The following ZNF638 variants were observed in gnomAD, a reference collection of about 807,000 sequenced individuals.
The protein encoded by ZNF638 is zinc finger protein 638.
ZNF638 carries 46 observed loss-of-function variants against 195.6 expected under a neutral mutation model. That is an observed-to-expected ratio of 0.24 (90% CI 0.19 to 0.30). ZNF638 has a LOEUF of 0.30. Ranked by LOEUF, ZNF638 falls within the 10% of genes least tolerant of loss-of-function variation. The probability of loss-of-function intolerance (pLI) is 1.00; values close to 1 mark genes in which losing one functional copy is unlikely to be tolerated. For synonymous variants in ZNF638, 845 were observed against 772.0 expected (o/e 1.09, Z -1.57); for missense variants, 2,440 against 2,325.3 (o/e 1.05, Z -1.01).
intron 3 of ZNF638, among the ~76,000 whole-genome samples, chr2:71,362,707 A>G (rs928783871): frequency 6.6e-5 from 10 of 152,170 alleles, no homozygotes; most frequent in Admixed American, 4.6e-4. Context: ...AACCCTTTCT[A>G]TGAGTTCTCT....
intron 8 of ZNF638, among the ~76,000 whole-genome samples, chr2:71,371,521 C>G (rs1475764332): frequency 6.6e-6 from 1 of 152,116 alleles, no homozygotes; most frequent in African/African-American, 2.4e-5. Flanking sequence ...TTTTGCCTGT[C>G]TTTTGGATAA....
At chr2:71,352,507 AAAAG>A (rs1222798682) in intron 2 of ZNF638, among the ~76,000 whole-genome samples, 43 of 151,630 alleles carry the variant, frequency 2.8e-4, no homozygotes, top group Middle Eastern at 3.4e-3. Context: ...AAAAAAAAAA[AAAAG>A]AAGAGGAGGG....
chr2:71,403,235 A>G (rs2080041647), intron 16 of ZNF638, among the ~76,000 whole-genome samples: 1 of 152,174 alleles, frequency 6.6e-6, no homozygotes, highest in Admixed American at 6.5e-5. Flanking sequence ...TTAAAACTAC[A>G]ATAAATAGAT....
At chr2:71,405,671 T>C in intron 18 of ZNF638, 29 bp downstream of exon 18, 1 of 1,435,928 alleles carries the variant, frequency 7.0e-7, no homozygotes, top group Non-Finnish European at 9.6e-7. Flanking sequence ...TGCTTTTGTA[T>C]ACTTATTTAA....
intron 8 of ZNF638, among the ~76,000 whole-genome samples, chr2:71,377,861 A>C (rs994876220): frequency 6.6e-6 from 1 of 152,242 alleles, no homozygotes. Context: ...GTTTAACTAT[A>C]CAAAGAAATA....
chr2:71,408,694 A>G, intron 20 of ZNF638: 1 of 429,076 alleles, frequency 2.3e-6, no homozygotes, highest in South Asian at 1.8e-5. Context: ...ACATGTAGGA[A>G]AGCTATGGAT....
chr2:71,357,973 A>G (rs977636190), intron 3 of ZNF638, among the ~76,000 whole-genome samples: 6 of 152,074 alleles, frequency 3.9e-5, no homozygotes, highest in African/African-American at 1.4e-4. Context: ...ATAAATTTCT[A>G]TTTAGAGTCC....
chr2:71,426,481 T>C lies in ZNF638; in HGVS notation c.4612T>C (p.Leu1538=), dbSNP rs568244957. The change falls in exon 24 of 28, where the codon TTG becomes CTG. Residue 1538 remains leucine, a synonymous_variant. Coordinates refer to ENST00000264447, the MANE Select transcript of ZNF638 (RefSeq NM_014497.5). ...SKEEPLFPFN[L]DEFVTVDEVI... ...ACAGGAGCCATTATTTCCATTTAAT[T>C]TGGATGAATTTGTTACTGTGGATGA... 1.3e-6 allele frequency: 2 copies of C among 1,572,836 alleles called. No homozygotes were observed. The highest frequency in any genetic ancestry group is 1.7e-6 in the Non-Finnish European group (2 of 1,165,132).
chr2:71,370,221 T>TG (rs2079284409), intron 8 of ZNF638, among the ~76,000 whole-genome samples: 1 of 152,208 alleles, frequency 6.6e-6, no homozygotes, highest in South Asian at 2.1e-4. Context: ...AGAAAATACT[T>TG]GCCATATATA....
chr2:71,354,343 C>T (rs1281135081), intron 2 of ZNF638, among the ~76,000 whole-genome samples: 2 of 143,650 alleles, frequency 1.4e-5, no homozygotes, highest in African/African-American at 5.1e-5. Context: ...ACTGTATTGG[C>T]TTTTTTTTTT....
rs1178109422 is a variant in ZNF638, at chr2:71,349,005, A to G, written c.51A>G (p.Pro17=). The G allele has an allele frequency of 2.5e-6, 4 of 1,614,184 alleles. No homozygotes were observed. Among genetic ancestry groups the G allele is most frequent in the Non-Finnish European group, 3.4e-6 (4 of 1,180,032 alleles). ...NPRGDFPLQR[P]RAPNPSGMRP... ...GAGGAGACTTTCCACTTCAAAGGCC[A>G]CGAGCACCTAACCCTTCTGGGATGA... is the stretch of plus-strand genomic sequence containing the variant. Residue 17 remains proline (P), a synonymous_variant, in exon 2 of 28, where the codon CCA becomes CCG. Coordinates refer to ENST00000264447, the MANE Select transcript of ZNF638 (RefSeq NM_014497.5).
intron 20 of ZNF638, among the ~76,000 whole-genome samples, chr2:71,409,301 ACT>A (rs1306392291): frequency 2.0e-5 from 3 of 152,074 alleles, no homozygotes; most frequent in Non-Finnish European, 2.9e-5. Context: ...TTAATAATCA[ACT>A]CTATATTATC....
At chr2:71,377,578 TTTC>T (rs2079454676) in intron 8 of ZNF638, among the ~76,000 whole-genome samples, 1 of 152,220 alleles carries the variant, frequency 6.6e-6, no homozygotes, top group Non-Finnish European at 1.5e-5. Context: ...TCTGAAACTA[TTTC>T]TTATTAGTTA....
At chr2:71,421,914 C>G (rs1490309726) in intron 21 of ZNF638, among the ~76,000 whole-genome samples, 2 of 152,104 alleles carry the variant, frequency 1.3e-5, no homozygotes, top group Non-Finnish European at 2.9e-5. Flanking sequence ...TCTGTGTCTA[C>G]CTCGGTGAAA....
At chr2:71,343,793 A>C (rs1174736302) in intron 1 of ZNF638, among the ~76,000 whole-genome samples, 3 of 152,172 alleles carry the variant, frequency 2.0e-5, no homozygotes, top group African/African-American at 7.2e-5. Context: ...CCCCACCAAA[A>C]AAACTCACGT....
At position 71,348,801 on chromosome 2, in the gene ZNF638, C is replaced by G. The variant is rs763082585; in HGVS notation, c.-154C>G. ...TCGCACCACTTGTGAATTCCTTGAA[C>G]CTGGGCATTGCAAACCCACTTCTGT... On this transcript the variant is annotated 5_prime_UTR_variant, in exon 2 of 28. Transcript: ENST00000264447. The G allele has an allele frequency of 1.3e-6, 2 of 1,575,878 alleles. No individual in the cohort carries two copies.
chr2:71,355,082 C>T (rs937307270), intron 2 of ZNF638, among the ~76,000 whole-genome samples: 6 of 152,142 alleles, frequency 3.9e-5, no homozygotes, highest in Admixed American at 3.3e-4. Flanking sequence ...CATTCTCCTG[C>T]GTCAGCCTCC....
At chr2:71,351,931 A>G (rs2078947465) in intron 2 of ZNF638, among the ~76,000 whole-genome samples, 1 of 152,216 alleles carries the variant, frequency 6.6e-6, no homozygotes, top group Non-Finnish European at 1.5e-5. Context: ...AGCATCATCA[A>G]TTTACCAATT....
rs754476010 is a variant in ZNF638 at position 71,350,131 on chromosome 2, C to G, written c.1177C>G (p.Leu393Val). 1.2e-5 allele frequency: 20 copies of G among 1,614,026 alleles called. No individual in the cohort carries two copies. The highest frequency in any genetic ancestry group is 1.7e-5 in the Non-Finnish European group (20 of 1,180,026). The change falls in exon 2 of 28, where the codon CTA (leucine) becomes GTA (valine). Residue 393 changes from leucine (L) to valine (V), a missense_variant. Coordinates refer to ENST00000264447, the MANE Select transcript of ZNF638 (RefSeq NM_014497.5). Reference sequence around the variant, plus strand: ...CTTTGGTATTGTGAAAGCATCCTGGCTACCAAAGTTTTCACATGCTGATGC... The same window carrying G: ...CTTTGGTATTGTGAAAGCATCCTGGGTACCAAAGTTTTCACATGCTGATGC... ...SPFGIVKASW[L>V]PKFSHADAQK...
Sources: gnomAD v4.1 joint callset for allele counts (sites outside exome capture counted in the v4.1 genomes callset) on GRCh38, gnomAD v4.1.1 for gene constraint, MANE v1.5 for transcripts, NCBI Gene and HGNC (gene_info 2026-07-23, HGNC 2026-07-21) for gene names.